Variants in MCM9 observed in about 807,000 individuals in gnomAD.
MCM9 encodes the protein minichromosome maintenance 9 homologous recombination repair factor.
MCM9 carries 55 observed loss-of-function variants against 72.8 expected under a neutral mutation model. That is an observed-to-expected ratio of 0.76 (90% CI 0.61 to 0.95). The LOEUF is 0.95. Ranked by LOEUF, MCM9 falls within the 40% of genes least tolerant of loss-of-function variation. The probability of loss-of-function intolerance (pLI) is 0.00; values close to 1 mark genes in which losing one functional copy is unlikely to be tolerated. For synonymous variants in MCM9, 480 were observed against 503.4 expected (o/e 0.95, Z 0.62); for missense variants, 1,279 against 1,377.0 (o/e 0.93, Z 1.13).
intron 8 of MCM9, among the ~76,000 whole-genome samples, chr6:118,868,507 T>C (rs1400016517): frequency 1.3e-5 from 2 of 152,088 alleles, no homozygotes; most frequent in African/African-American, 4.8e-5. Context: ...GAGAAAATTT[T>C]TGCAATCTAC....
intron 8 of MCM9, among the ~76,000 whole-genome samples, chr6:118,873,296 AGAG>A (rs1460878865): frequency 6.6e-6 from 1 of 151,974 alleles, no homozygotes; most frequent in Admixed American, 6.5e-5. Context: ...AGAAAAGAGA[AGAG>A]AAGAAAGGAA....
chr6:118,822,761 T>C (rs1467490969), intron 13 of MCM9, among the ~76,000 whole-genome samples: 1 of 151,574 alleles, frequency 6.6e-6, no homozygotes, highest in African/African-American at 2.4e-5. Context: ...TCCCAGGGAG[T>C]TTTATCTGCA....
At chr6:118,825,905 G>C (rs1373942374) in intron 13 of MCM9, among the ~76,000 whole-genome samples, 1 of 152,116 alleles carries the variant, frequency 6.6e-6, no homozygotes, top group Non-Finnish European at 1.5e-5. Flanking sequence ...CTGATACCCA[G>C]AAAAGTGAAC....
intron 9 of MCM9, among the ~76,000 whole-genome samples, chr6:118,839,694 G>A (rs1437169458): frequency 2.6e-5 from 4 of 152,174 alleles, no homozygotes; most frequent in African/African-American, 7.2e-5. Flanking sequence ...CTGCAGGTCT[G>A]CTGGCGTTTG....
intron 8 of MCM9, among the ~76,000 whole-genome samples, chr6:118,888,435 C>A (rs1409024529): frequency 6.6e-6 from 1 of 151,984 alleles, no homozygotes; most frequent in Middle Eastern, 3.2e-3. Flanking sequence ...TGCAGTGAGC[C>A]GAGATCACGC....
At chr6:118,857,802 T>C (rs1226189698) in intron 8 of MCM9, among the ~76,000 whole-genome samples, 1 of 152,036 alleles carries the variant, frequency 6.6e-6, no homozygotes, top group African/African-American at 2.4e-5. Context: ...ATATGCAAAG[T>C]TTATCTAAAA....
At chr6:118,907,479 G>T (rs764589675) in intron 8 of MCM9, 1 of 1,613,400 alleles carries the variant, frequency 6.2e-7, no homozygotes. Flanking sequence ...CAGAAAAACT[G>T]GAAGATGCAG....
intron 5 of MCM9, chr6:118,919,432 G>A (rs576339177): frequency 4.6e-5 from 7 of 152,254 alleles, no homozygotes; most frequent in South Asian, 4.1e-4. Context: ...GAATTAGATC[G>A]GATAATGTAC....
intron 13 of MCM9, among the ~76,000 whole-genome samples, chr6:118,824,266 T>A (rs765510752): frequency 2.0e-5 from 3 of 152,110 alleles, no homozygotes; most frequent in African/African-American, 7.2e-5. Context: ...GGGATACTGA[T>A]AATTGTTAAA....
At chr6:118,841,916 C>A (rs1468022118) in intron 9 of MCM9, among the ~76,000 whole-genome samples, 1 of 151,582 alleles carries the variant, frequency 6.6e-6, no homozygotes, top group African/African-American at 2.4e-5. Context: ...CTCACTGCAG[C>A]CTCCGCCTCC....
intron 8 of MCM9, among the ~76,000 whole-genome samples, chr6:118,888,703 T>A (rs1778758236): frequency 6.6e-6 from 1 of 151,954 alleles, no homozygotes; most frequent in Admixed American, 6.6e-5. Context: ...GACAGATAAA[T>A]AAAACGTGGT....
intron 9 of MCM9, among the ~76,000 whole-genome samples, chr6:118,836,420 G>A (rs1212572200): frequency 1.3e-5 from 2 of 152,240 alleles, no homozygotes; most frequent in Non-Finnish European, 1.5e-5. Context: ...AGAAGGAATA[G>A]TACCAGCTCC....
At chr6:118,846,377 G>A (rs1775864470) in intron 9 of MCM9, among the ~76,000 whole-genome samples, 1 of 151,876 alleles carries the variant, frequency 6.6e-6, no homozygotes, top group South Asian at 2.1e-4. Context: ...AAGATCAGTG[G>A]AGACTAAGTG....
intron 8 of MCM9, among the ~76,000 whole-genome samples, chr6:118,897,446 A>C (rs1779501113): frequency 6.6e-6 from 1 of 152,052 alleles, no homozygotes; most frequent in African/African-American, 2.4e-5. Flanking sequence ...TTAAATTTAT[A>C]TATATATATA....
chr6:118,871,523 T>C (rs897027225), intron 8 of MCM9, among the ~76,000 whole-genome samples: 1 of 152,178 alleles, frequency 6.6e-6, no homozygotes, highest in Non-Finnish European at 1.5e-5. Context: ...CAACATTACA[T>C]ACAATGGTGA....
intron 8 of MCM9, among the ~76,000 whole-genome samples, chr6:118,868,360 G>A (rs1777360475): frequency 6.6e-6 from 1 of 152,128 alleles, no homozygotes; most frequent in Admixed American, 6.5e-5. Context: ...ATAGGCATGG[G>A]CAAGGACTTC....
chr6:118,825,338 G>A (rs1331887674), intron 13 of MCM9, among the ~76,000 whole-genome samples: 3 of 152,148 alleles, frequency 2.0e-5, no homozygotes, highest in Non-Finnish European at 4.4e-5. Flanking sequence ...GCCCATCCCC[G>A]CACTTCCCCA....
chr6:118,931,802 A>G (rs531928658), intron 2 of MCM9, 64 bp from the exon 3 acceptor site: 3 of 1,259,834 alleles, frequency 2.4e-6, no homozygotes, highest in Admixed American at 5.5e-5. Context: ...CAATTTAACA[A>G]AAACGATTGG....
chr6:118,885,031 C>T (rs1778513033), intron 8 of MCM9, among the ~76,000 whole-genome samples: 1 of 151,982 alleles, frequency 6.6e-6, no homozygotes, highest in Admixed American at 6.5e-5. Flanking sequence ...CCCATCTCTA[C>T]TAAAAATACA....
Sources: gnomAD v4.1 joint callset for allele counts (sites outside exome capture counted in the v4.1 genomes callset) on GRCh38, gnomAD v4.1.1 for gene constraint, MANE v1.5 for transcripts, NCBI Gene and HGNC (gene_info 2026-07-23, HGNC 2026-07-21) for gene names.